CRMP1: variants seen among roughly 807,000 people sequenced by gnomAD.
The protein encoded by CRMP1 is dihydropyrimidinase-related protein 1.
In CRMP1, 19 loss-of-function variants were observed where a neutral mutation model predicts 68.3. That is an observed-to-expected ratio of 0.28 (90% confidence interval 0.19 to 0.41). The LOEUF (loss-of-function observed/expected upper bound fraction) is 0.41. Ranked by LOEUF, CRMP1 falls within the 10% of genes least tolerant of loss-of-function variation. The probability of loss-of-function intolerance (pLI) is 1.00; values close to 1 mark genes in which losing one functional copy is unlikely to be tolerated. For synonymous variants in CRMP1, 439 were observed against 399.6 expected, an observed-to-expected ratio of 1.10 and a Z score of -1.18; for missense variants, 791 against 967.4, an observed-to-expected ratio of 0.82 and a Z score of 2.42.
chr4:5,892,902 C>G lies in CRMP1; in HGVS notation c.68G>C (p.Ser23Thr). Residue 23 changes from serine to threonine, a missense_variant, in exon 1 of 14, where the codon AGC (serine) becomes ACC (threonine). Ser to Thr is a moderately conservative substitution (Grantham distance 58). Coordinates refer to ENST00000324989, the MANE Select transcript of CRMP1 (RefSeq NM_001014809.3). This position sits in a 1 kb window ranked among gnomAD's most constrained non-coding sequence, Gnocchi z 8.6. Reference protein sequence around the residue: ...DLPVYLARPGSAAQTPRQKYG... With the variant: ...DLPVYLARPGTAAQTPRQKYG... ...CTTCTGGCGCGGGGTCTGCGCCGCG[C>G]TGCCCGGCCGCGCCAGGTACACGGG... The G allele has an allele frequency of 7.3e-7, 1 of 1,373,180 alleles. No homozygotes were observed. The highest frequency in any genetic ancestry group is 9.5e-7 in the Non-Finnish European group (1 of 1,056,728). 85.1% of individuals were successfully genotyped at this position (1,373,180 alleles called of 1,614,324 possible).
Position 5,861,331 on chromosome 4 carries a change from G to A in CRMP1, c.471-121C>T, listed in dbSNP as rs1050154967. On this transcript the variant is annotated intron_variant, in intron 2 of 13. Transcript: ENST00000324989. This position sits in a 1 kb window ranked among gnomAD's most constrained non-coding sequence, Gnocchi z 6.0. Reference sequence around the variant, plus strand: ...AGCCAGGCCCTTCACAAGGCCCTGGGGAGACAGAGATAACTCAGGCAGGGC... The same window carrying A: ...AGCCAGGCCCTTCACAAGGCCCTGGAGAGACAGAGATAACTCAGGCAGGGC... 8.1e-6 allele frequency: 8 copies of A among 986,824 alleles called. No individual in the cohort carries two copies. In the South Asian group the frequency reaches 1.3e-4, roughly 16 times the overall value. The allele number at this position is 986,824 out of a possible 1,614,324, so 61.1% of individuals were successfully genotyped here.
chr4:5,874,927 G>A (rs759909532), intron 1 of CRMP1, among the ~76,000 whole-genome samples: 8 of 152,140 alleles, frequency 5.3e-5, no homozygotes, highest in Non-Finnish European at 1.0e-4. Context: ...AGGCGTCCTC[G>A]CGAAGACTCT....
intron 1 of CRMP1, chr4:5,887,604 G>A: frequency 7.1e-6 from 7 of 984,986 alleles, no homozygotes; most frequent in Non-Finnish European, 8.4e-6. Flanking sequence ...TCGCGGCCCA[G>A]CGTCGGGAAC....
intron 1 of CRMP1, among the ~76,000 whole-genome samples, chr4:5,871,632 C>T (rs1313922925): frequency 6.6e-6 from 1 of 152,062 alleles, no homozygotes; most frequent in Non-Finnish European, 1.5e-5. Flanking sequence ...TGCACTCCAG[C>T]CTGGGCAACA....
At chr4:5,824,235 G>C in intron 13 of CRMP1, 1 of 949,642 alleles carries the variant, frequency 1.1e-6, no homozygotes, top group Non-Finnish European at 1.3e-6. Flanking sequence ...CACCCAGATA[G>C]CTTTTTCCCA....
At chr4:5,822,411 A>G (rs1224895726) in intron 13 of CRMP1, among the ~76,000 whole-genome samples, 1 of 150,106 alleles carries the variant, frequency 6.7e-6, no homozygotes, top group African/African-American at 2.4e-5. Flanking sequence ...ACATTTGTAT[A>G]TGCATGTGCA....
chr4:5,868,263 A>ATATC (rs58253687), intron 1 of CRMP1, among the ~76,000 whole-genome samples: 247 of 8,030 alleles, frequency 0.031, no homozygotes, highest in African/African-American at 0.069. Context: ...CTATATATCT[A>ATATC]TATATATATA....
Position 5,825,951 on chromosome 4 carries a change from T to G in CRMP1, c.1804-292A>C. The G allele has an allele frequency of 2.2e-6, 1 of 448,462 alleles. No individual in the cohort carries two copies. Among genetic ancestry groups the G allele is most frequent in the Non-Finnish European group, 4.0e-6 (1 of 252,872 alleles). 27.8% of individuals were successfully genotyped at this position (448,462 alleles called of 1,614,324 possible). A position where few individuals can be genotyped will look rare whatever the true frequency, so the allele number is the denominator to read the frequency against. On this transcript the variant is annotated intron_variant, in intron 12 of 13. Transcript: ENST00000324989. This position sits in a 1 kb window ranked among gnomAD's most constrained non-coding sequence, Gnocchi z 4.4. ...ACATACATGCAGTCATGCACACATA[T>G]ATGCATGCACATGCAGTAACAAAAC...
Position 5,821,494 on chromosome 4 carries a change from A to AC in CRMP1, c.*265dup. On this transcript the variant is annotated 3_prime_UTR_variant, in exon 14 of 14. Transcript: ENST00000324989. This position sits in a 1 kb window ranked among gnomAD's most constrained non-coding sequence, Gnocchi z 4.4. ...AGGGACAGAACAAGACAATGCTAAAACCTGTGGTTCACTAGGAAGGGGGAA... is the reference window on the plus strand; with the variant it reads ...AGGGACAGAACAAGACAATGCTAAAACCCTGTGGTTCACTAGGAAGGGGGAA... 1.9e-6 allele frequency: 1 copy of AC among 517,174 alleles called. No homozygotes were observed. The highest frequency in any genetic ancestry group is 1.9e-5 in the African/African-American group (1 of 52,972). 32.0% of individuals were successfully genotyped at this position (517,174 alleles called of 1,614,324 possible).
At chr4:5,829,952 A>G (rs899164050) in intron 11 of CRMP1, among the ~76,000 whole-genome samples, 1 of 152,232 alleles carries the variant, frequency 6.6e-6, no homozygotes, top group African/African-American at 2.4e-5. Context: ...AAAAAAGACA[A>G]CACTAGTTTC....
At position 5,881,901 on chromosome 4, in the gene CRMP1, T is replaced by G. The variant is rs1715245840; in HGVS notation, c.381+10688A>C. Among the ~76,000 whole-genome samples, 1 of 152,142 alleles carries G rather than the reference T, an allele frequency of 6.6e-6. No individual in the cohort carries two copies. Among genetic ancestry groups the G allele is most frequent in the African/African-American group, 2.4e-5 (1 of 41,436 alleles). ...ACCTTTTGTACATGGGCCCCTAATA[T>G]CTATCTCTGTCCTTTGCCTCTCACC... On this transcript the variant is annotated intron_variant, in intron 1 of 13. Coordinates refer to ENST00000324989, the MANE Select transcript of CRMP1 (RefSeq NM_001014809.3). The surrounding 1 kb of genome is among the most constrained non-coding windows in gnomAD (Gnocchi z 4.6).
intron 1 of CRMP1, among the ~76,000 whole-genome samples, chr4:5,880,423 AG>A (rs1715151477): frequency 6.6e-6 from 1 of 152,216 alleles, no homozygotes; most frequent in African/African-American, 2.4e-5. Flanking sequence ...ATTTGGGGGC[AG>A]GTTCAAAATT....
chr4:5,888,237 CG>C lies in CRMP1; in HGVS notation c.381+4351del. The C allele has an allele frequency of 7.8e-7, 1 of 1,285,000 alleles. No homozygotes were observed. The highest frequency in any genetic ancestry group is 9.9e-7 in the Non-Finnish European group (1 of 1,010,374). The allele number at this position is 1,285,000 out of a possible 1,614,324, so 79.6% of individuals were successfully genotyped here. A position where few individuals can be genotyped will look rare whatever the true frequency, so the allele number is the denominator to read the frequency against. On this transcript the variant is annotated intron_variant, in intron 1 of 13. Coordinates refer to ENST00000324989, the MANE Select transcript of CRMP1 (RefSeq NM_001014809.3). This position sits in a 1 kb window ranked among gnomAD's most constrained non-coding sequence, Gnocchi z 6.4. ...GGCGGGGGCCGCTTACCGTGATGTG[CG>C]GGATGCTCTTCTTGCCCTGGTACGA...
rs976215116 is a variant in CRMP1 at position 5,889,629 on chromosome 4, T to C, written c.381+2960A>G. The C allele has an allele frequency of 2.0e-5, 30 of 1,536,048 alleles. No individual in the cohort carries two copies. The highest frequency in any genetic ancestry group is 2.4e-5 in the Non-Finnish European group (28 of 1,146,924). On this transcript the variant is annotated intron_variant, in intron 1 of 13. Coordinates refer to ENST00000324989, the MANE Select transcript of CRMP1 (RefSeq NM_001014809.3). This position sits in a 1 kb window ranked among gnomAD's most constrained non-coding sequence, Gnocchi z 4.5. ...CAGGCAGAATAAAACACCAACCTTG[T>C]CCACCACTTCGTTGTTCATTTTCTG...
intron 1 of CRMP1, among the ~76,000 whole-genome samples, chr4:5,887,095 T>G (rs1715645008): frequency 6.6e-6 from 1 of 152,150 alleles, no homozygotes; most frequent in African/African-American, 2.4e-5. Flanking sequence ...CCTCAGCCCA[T>G]GCTCTAGCCT....
chr4:5,854,029 G>T lies in CRMP1; in HGVS notation c.820+2114C>A, dbSNP rs1040568269. ...GCACAGACCCACTAGGCCTCACGGA[G>T]CCCAGTGTCTTTCCCTACAAACTCC... is the stretch of plus-strand genomic sequence containing the variant. On this transcript the variant is annotated intron_variant, in intron 4 of 13. Transcript: ENST00000324989. This position sits in a 1 kb window ranked among gnomAD's most constrained non-coding sequence, Gnocchi z 4.0. Among the ~76,000 whole-genome samples the T allele has an allele frequency of 6.6e-6, 1 of 152,132 alleles. No individual in the cohort carries two copies. The highest frequency in any genetic ancestry group is 1.5e-5 in the Non-Finnish European group (1 of 68,020).
intron 13 of CRMP1, among the ~76,000 whole-genome samples, chr4:5,822,778 T>G (rs1718869168): frequency 6.6e-6 from 1 of 152,218 alleles, no homozygotes; most frequent in South Asian, 2.1e-4. Flanking sequence ...CTTCATGGTC[T>G]ACAACACAGC....
chr4:5,823,772 G>A (rs754314085), intron 13 of CRMP1, among the ~76,000 whole-genome samples: 4 of 151,766 alleles, frequency 2.6e-5, no homozygotes, highest in Non-Finnish European at 5.9e-5. Context: ...TGCTTGTACA[G>A]CCTGCAGAGC....
chr4:5,868,275 A>ATATATC (rs1553907509), intron 1 of CRMP1, among the ~76,000 whole-genome samples: 5 of 77,628 alleles, frequency 6.4e-5, no homozygotes, highest in African/African-American at 3.9e-4. Context: ...ATATATATAT[A>ATATATC]TATATATATA....
Sources: allele counts gnomAD v4.1 joint callset (sites outside exome capture counted in the v4.1 genomes callset), GRCh38; gene constraint gnomAD v4.1.1; non-coding constraint Gnocchi (gnomAD v3.1); transcripts MANE v1.5; gene names NCBI Gene and HGNC (gene_info 2026-07-23, HGNC 2026-07-21).